ROBO1: variants seen among roughly 807,000 people sequenced by gnomAD.
ROBO1 encodes roundabout homolog 1.
Under a neutral mutation model 195.9 loss-of-function variants are expected in ROBO1, and 149 were observed. That is an observed-to-expected ratio of 0.76 (90% CI 0.67 to 0.87). ROBO1 has a LOEUF of 0.87. ROBO1 is among the 40% of genes least tolerant of loss of function. ROBO1 has a pLI of 0.00. For missense variants in ROBO1, 1,933 were observed against 2,068.3 expected (o/e 0.93, Z 1.27); for synonymous variants, 816 against 733.2 (o/e 1.11, Z -1.82).
At position 78,617,682 on chromosome 3, in the gene ROBO1, T is replaced by G. The variant is rs1704195373; in HGVS notation, c.4235A>C (p.Glu1412Ala). 1.9e-6 allele frequency: 3 copies of G among 1,613,894 alleles called. No homozygotes were observed. In the South Asian group the frequency reaches 3.3e-5, roughly 18 times the overall value. The change falls in exon 27 of 31, where the codon GAG becomes GCG. Residue 1412 changes from glutamate to alanine, a missense_variant. Around this residue, in one of 3 missense-constraint regions of ROBO1, gnomAD observed 1,737 missense variants for 1,882.5 expected, o/e 0.92. Coordinates refer to ENST00000464233, the MANE Select transcript of ROBO1 (RefSeq NM_002941.4). ...TCGTGCTACTTTCAGACCAGCATAC[T>G]CTGCCGCTGCTGCGACTGCCTGGGC... is the stretch of plus-strand genomic sequence containing the variant. ...DFAQAVAAAA[E>A]YAGLKVARRQ...
chr3:79,765,858 G>C (rs893585560), intron 1 of ROBO1, among the ~76,000 whole-genome samples: 5 of 152,048 alleles, frequency 3.3e-5, no homozygotes, highest in Non-Finnish European at 5.9e-5. Context: ...CGCTCAGCCC[G>C]GGTTGACAAG....
intron 2 of ROBO1, among the ~76,000 whole-genome samples, chr3:79,154,311 G>C (rs1360414150): frequency 2.0e-5 from 3 of 151,710 alleles, no homozygotes; most frequent in African/African-American, 7.2e-5. Context: ...ATGTTCACTT[G>C]AGGCCATGTA....
chr3:78,964,870 G>A (rs1056576904), intron 3 of ROBO1, among the ~76,000 whole-genome samples: 1 of 145,408 alleles, frequency 6.9e-6, no homozygotes, highest in Non-Finnish European at 1.5e-5. Context: ...TTTTTGTAGA[G>A]ACAGATTCTC....
chr3:78,911,709 G>C (rs1301132138), intron 4 of ROBO1, among the ~76,000 whole-genome samples: 1 of 152,052 alleles, frequency 6.6e-6, no homozygotes, highest in African/African-American at 2.4e-5. Flanking sequence ...TGAAGGACTT[G>C]TCAAATTTTT....
At chr3:79,616,341 A>G (rs1944818930) in intron 1 of ROBO1, among the ~76,000 whole-genome samples, 1 of 152,188 alleles carries the variant, frequency 6.6e-6, no homozygotes, top group Non-Finnish European at 1.5e-5. Context: ...TGGAAAATTC[A>G]CATTGTAAAC....
intron 3 of ROBO1, among the ~76,000 whole-genome samples, chr3:78,952,634 C>T (rs957082695): frequency 6.6e-6 from 1 of 151,866 alleles, no homozygotes; most frequent in Non-Finnish European, 1.5e-5. Flanking sequence ...TATTAAGTTA[C>T]ACACATTTCC....
intron 2 of ROBO1, among the ~76,000 whole-genome samples, chr3:79,327,633 T>C (rs1297776016): frequency 1.3e-5 from 2 of 152,124 alleles, no homozygotes; most frequent in African/African-American, 4.8e-5. Flanking sequence ...TAGGTAATGA[T>C]GTTCTTTATC....
At chr3:79,641,232 T>G (rs1945649913) in intron 1 of ROBO1, among the ~76,000 whole-genome samples, 1 of 152,248 alleles carries the variant, frequency 6.6e-6, no homozygotes, top group African/African-American at 2.4e-5. Context: ...AGAATGCCCT[T>G]TTCATTCTTC....
intron 2 of ROBO1, among the ~76,000 whole-genome samples, chr3:79,481,210 T>C (rs971086322): frequency 6.6e-6 from 1 of 152,118 alleles, no homozygotes; most frequent in African/African-American, 2.4e-5. Context: ...TGTAAAAGAC[T>C]GAGGAATTTA....
intron 4 of ROBO1, among the ~76,000 whole-genome samples, chr3:78,832,231 ATG>A (rs2108745149): frequency 6.6e-6 from 1 of 152,312 alleles, no homozygotes; most frequent in South Asian, 2.1e-4. Flanking sequence ...TGATAATTCA[ATG>A]TTACACACAT....
At chr3:79,018,489 C>G (rs1559596835) in intron 3 of ROBO1, 1 of 1,613,642 alleles carries the variant, frequency 6.2e-7, no homozygotes, top group South Asian at 1.1e-5. Flanking sequence ...TGTATACAGT[C>G]TCATGCCAAG....
At chr3:79,265,565 G>A (rs900481136) in intron 2 of ROBO1, among the ~76,000 whole-genome samples, 10 of 151,534 alleles carry the variant, frequency 6.6e-5, no homozygotes, top group Non-Finnish European at 3.0e-5. Flanking sequence ...TTGTATAAAC[G>A]AAAATAATGA....
At chr3:79,600,350 T>C (rs1944303393) in intron 1 of ROBO1, among the ~76,000 whole-genome samples, 1 of 151,936 alleles carries the variant, frequency 6.6e-6, no homozygotes, top group African/African-American at 2.4e-5. Context: ...GAACATTGGT[T>C]TGGTCGAAGA....
chr3:78,670,062 A>G (rs1489916789), intron 11 of ROBO1, 34 bp downstream of exon 11: 5 of 1,537,896 alleles, frequency 3.3e-6, no homozygotes, highest in African/African-American at 2.7e-5. Flanking sequence ...AAAGTGAAAC[A>G]AAACAAGAAA....
At chr3:79,104,022 C>T (rs948867493) in intron 3 of ROBO1, among the ~76,000 whole-genome samples, 4 of 151,716 alleles carry the variant, frequency 2.6e-5, no homozygotes, top group African/African-American at 7.3e-5. Context: ...TGGCTCTCTA[C>T]TCTGACAACA....
chr3:78,850,226 A>G (rs2033967668), intron 4 of ROBO1, among the ~76,000 whole-genome samples: 1 of 152,022 alleles, frequency 6.6e-6, no homozygotes. Flanking sequence ...ACTATAAATT[A>G]CCCCTCTGGG....
chr3:79,487,875 A>G (rs1270071312), intron 2 of ROBO1, among the ~76,000 whole-genome samples: 1 of 152,192 alleles, frequency 6.6e-6, no homozygotes, highest in Non-Finnish European at 1.5e-5. Context: ...TTTTTTCCCT[A>G]GATAGAAATA....
chr3:79,663,422 A>C (rs1232908019), intron 1 of ROBO1, among the ~76,000 whole-genome samples: 2 of 152,024 alleles, frequency 1.3e-5, no homozygotes, highest in African/African-American at 4.8e-5. Context: ...CATAAAAACA[A>C]TTTTCCTAAG....
At chr3:78,702,515 T>G (rs764983782) in intron 8 of ROBO1, among the ~76,000 whole-genome samples, 13 of 152,216 alleles carry the variant, frequency 8.5e-5, no homozygotes, top group Non-Finnish European at 1.6e-4. Context: ...ATACTAACTC[T>G]GATAAAATAA....
Sources: allele counts gnomAD v4.1 joint callset (sites outside exome capture counted in the v4.1 genomes callset), GRCh38; gene constraint gnomAD v4.1.1; regional missense constraint gnomAD v4.1.1; transcripts MANE v1.5; gene names NCBI Gene and HGNC (gene_info 2026-07-23, HGNC 2026-07-21).